Variants in RCOR1 observed in about 807,000 individuals in gnomAD.
RCOR1 encodes the protein REST corepressor 1, also known as REST corepressor.
Under a neutral mutation model 64.0 loss-of-function variants are expected in RCOR1, and 12 were observed. That is an observed-to-expected ratio of 0.19 (90% confidence interval 0.12 to 0.30). The LOEUF (loss-of-function observed/expected upper bound fraction) is 0.30. RCOR1 is among the 10% of genes least tolerant of loss of function. The probability of loss-of-function intolerance (pLI) is 1.00; values close to 1 mark genes in which losing one functional copy is unlikely to be tolerated. For missense variants in RCOR1, 502 were observed against 621.2 expected (o/e 0.81, Z 2.04); for synonymous variants, 279 against 227.2 (o/e 1.23, Z -2.05).
chr14:102,661,013 A>T (rs772477511), intron 2 of RCOR1, among the ~76,000 whole-genome samples: 9 of 152,172 alleles, frequency 5.9e-5, no homozygotes, highest in Admixed American at 2.6e-4. Flanking sequence ...TGGGGGTAGA[A>T]GTCTAATAAA....
intron 3 of RCOR1, among the ~76,000 whole-genome samples, chr14:102,700,798 T>C (rs1895741089): frequency 6.6e-6 from 1 of 152,188 alleles, no homozygotes; most frequent in Non-Finnish European, 1.5e-5. Flanking sequence ...GTGTTCTTTA[T>C]TTTTAGTCTT....
chr14:102,673,578 G>A (rs969448060), intron 2 of RCOR1, among the ~76,000 whole-genome samples: 12 of 151,700 alleles, frequency 7.9e-5, no homozygotes, highest in South Asian at 2.1e-4. Flanking sequence ...CTTGTGATCC[G>A]CCCGCCTTGG....
intron 2 of RCOR1, among the ~76,000 whole-genome samples, chr14:102,606,588 T>C (rs1273393168): frequency 6.6e-6 from 1 of 151,754 alleles, no homozygotes; most frequent in African/African-American, 2.4e-5. Context: ...TCTTTGAGGG[T>C]GGTAGCGTAG....
intron 2 of RCOR1, among the ~76,000 whole-genome samples, chr14:102,619,552 C>T (rs563198183): frequency 1.6e-4 from 24 of 151,288 alleles, no homozygotes; most frequent in Non-Finnish European, 3.1e-4. Context: ...GTGATCTTGC[C>T]TCACTGCAGC....
intron 2 of RCOR1, chr14:102,659,367 C>T (rs1000853905): frequency 1.5e-6 from 1 of 660,006 alleles, no homozygotes; most frequent in Non-Finnish European, 1.9e-6. Context: ...TTTATTTTGG[C>T]TATTCTGGTG....
At chr14:102,611,464 T>A (rs1893635392) in intron 2 of RCOR1, among the ~76,000 whole-genome samples, 1 of 152,194 alleles carries the variant, frequency 6.6e-6, no homozygotes. Context: ...TTTTTCTTCC[T>A]CTTTTTGGGT....
intron 2 of RCOR1, among the ~76,000 whole-genome samples, chr14:102,672,768 TG>T (rs763835355): frequency 1.3e-5 from 2 of 152,306 alleles, no homozygotes; most frequent in East Asian, 3.9e-4. Context: ...TTGGTGAGGA[TG>T]TGTAGAAATT....
intron 2 of RCOR1, among the ~76,000 whole-genome samples, chr14:102,630,994 T>C (rs1172199761): frequency 1.3e-5 from 2 of 152,092 alleles, no homozygotes; most frequent in Non-Finnish European, 2.9e-5. Flanking sequence ...CAGTAGGACC[T>C]GATGGCTTAT....
intron 2 of RCOR1, among the ~76,000 whole-genome samples, chr14:102,611,065 T>G (rs370066454): frequency 6.6e-6 from 1 of 151,960 alleles, no homozygotes; most frequent in East Asian, 1.9e-4. Context: ...GAGAGCTTAG[T>G]TTTTTGTTTG....
intron 2 of RCOR1, chr14:102,651,292 C>T (rs889684817): frequency 8.4e-5 from 13 of 154,092 alleles, no homozygotes; most frequent in African/African-American, 2.7e-4. Context: ...TGGTGGCCCA[C>T]GCCTGTAATC....
chr14:102,707,284 GCTGGTCTCATTTCCA>G, intron 4 of RCOR1, 52 bp from the exon 5 acceptor site: 1 of 1,061,492 alleles, frequency 9.4e-7, no homozygotes. Flanking sequence ...CTTTTCTTTT[GCTGGTCTCATTTCCA>G]TTTTCATTGT....
rs1895627985 is a variant in RCOR1, at chr14:102,695,560, G to A, written c.446-5718G>A. On this transcript the variant is annotated intron_variant, in intron 3 of 11. Coordinates refer to ENST00000262241, the MANE Select transcript of RCOR1 (RefSeq NM_015156.4). The stretch of plus-strand genomic sequence containing the variant: ...ATAGAGGTTGTTTGTTTTTGTTTTT[G>A]TTTTAGATGGAGTCTTGCTCTGTTG... 3 of 152,204 alleles carry A rather than the reference G, an allele frequency of 2.0e-5. No homozygotes were observed. In the South Asian group the frequency reaches 6.2e-4, roughly 32 times the overall value. 9.4% of individuals were successfully genotyped at this position (152,204 alleles called of 1,614,324 possible). A position where few individuals can be genotyped will look rare whatever the true frequency, so the allele number is the denominator to read the frequency against.
chr14:102,634,566 G>GT (rs935695272), intron 2 of RCOR1, among the ~76,000 whole-genome samples: 2 of 151,112 alleles, frequency 1.3e-5, no homozygotes, highest in Admixed American at 1.3e-4. Flanking sequence ...TAAATACTAA[G>GT]TTTTTTGACA....
intron 2 of RCOR1, among the ~76,000 whole-genome samples, chr14:102,627,285 CT>C (rs1893999921): frequency 6.6e-6 from 1 of 152,190 alleles, no homozygotes; most frequent in Non-Finnish European, 1.5e-5. Flanking sequence ...GTAGTTCATC[CT>C]TTATTTGCAT....
intron 2 of RCOR1, among the ~76,000 whole-genome samples, chr14:102,625,656 A>G (rs575093213): frequency 4.0e-5 from 6 of 151,898 alleles, no homozygotes; most frequent in African/African-American, 1.2e-4. Flanking sequence ...GGCATGAGCC[A>G]TTGTGCCCAG....
chr14:102,710,797 A>G, intron 6 of RCOR1, 138 bp from the exon 7 acceptor site: 3 of 652,810 alleles, frequency 4.6e-6, no homozygotes, highest in East Asian at 5.8e-5. Flanking sequence ...GCCTGAAAAC[A>G]TACTAATTTT....
At chr14:102,662,659 G>T in intron 2 of RCOR1, 1 of 447,404 alleles carries the variant, frequency 2.2e-6, no homozygotes, top group Non-Finnish European at 4.3e-6. Flanking sequence ...CTTTGCTTTG[G>T]CTTCGGCTTG....
chr14:102,679,086 G>A (rs1895250838), intron 2 of RCOR1, among the ~76,000 whole-genome samples: 1 of 152,194 alleles, frequency 6.6e-6, no homozygotes, highest in Non-Finnish European at 1.5e-5. Flanking sequence ...TATCTCAACA[G>A]TGCCTTTTGC....
intron 8 of RCOR1, among the ~76,000 whole-genome samples, chr14:102,716,015 C>T (rs1372025927): frequency 6.6e-6 from 1 of 152,158 alleles, no homozygotes; most frequent in Non-Finnish European, 1.5e-5. Flanking sequence ...CTCACAGGGG[C>T]AAAATTGTCC....
Sources: gnomAD v4.1 joint callset for allele counts (sites outside exome capture counted in the v4.1 genomes callset) on GRCh38, gnomAD v4.1.1 for gene constraint, MANE v1.5 for transcripts, NCBI Gene and HGNC (gene_info 2026-07-23, HGNC 2026-07-21) for gene names.